METTL25: variants seen among roughly 807,000 people sequenced by gnomAD.
METTL25 encodes probable methyltransferase-like protein 25.
A neutral mutation model predicts 71.6 loss-of-function variants in METTL25; 64 were observed. That is an observed-to-expected ratio of 0.89 (90% CI 0.73 to 1.10). The LOEUF (loss-of-function observed/expected upper bound fraction) is 1.10. Among genes scored for constraint, METTL25 ranks in the 50% least tolerant of loss-of-function variants. The pLI is 0.00. For synonymous variants in METTL25, 287 were observed against 250.3 expected, an observed-to-expected ratio of 1.15 and a Z score of -1.38; for missense variants, 807 against 707.0, an observed-to-expected ratio of 1.14 and a Z score of -1.60.
Position 82,398,877 on chromosome 12 carries a change from C to T in METTL25, c.614C>T (p.Ser205Phe), listed in dbSNP as rs760218801. ...GGCTTAAAAGTTTATGGAATTGATT[C>T]TTCAAATACCAATACTCATGGAGCT... ...KYGLKVYGID[S>F]SNTNTHGAEE... Residue 205 changes from serine to phenylalanine, a missense_variant, in exon 4 of 12, where the codon TCT becomes TTT. Transcript: ENST00000248306. 1 of 1,605,458 alleles carries T rather than the reference C, an allele frequency of 6.2e-7. No individual in the cohort carries two copies. Among genetic ancestry groups the T allele is most frequent in the African/African-American group, 1.3e-5 (1 of 74,218 alleles).
At position 82,446,721 on chromosome 12, in the gene METTL25, A is replaced by G. The variant is rs376257403; in HGVS notation, c.1478+7930A>G. On this transcript the variant is annotated intron_variant, in intron 8 of 11. Transcript: ENST00000248306. ...AACCTCCGCTTCACGGATTCAAGCT[A>G]TTCTCCTGCCTCAGCCTCCCCAGTA... 5.4e-4 allele frequency among the ~76,000 whole-genome samples: 80 copies of G among 149,424 alleles called. No individual in the cohort carries two copies. The East Asian group carries it at 7.9e-3, about 15-fold the overall frequency.
intron 1 of METTL25, among the ~76,000 whole-genome samples, chr12:82,376,750 G>A (rs1157035341): frequency 6.6e-6 from 1 of 152,150 alleles, no homozygotes; most frequent in Non-Finnish European, 1.5e-5. Flanking sequence ...TAATCTTATT[G>A]TTAAATTATC....
chr12:82,361,512 G>T (rs10778894), intron 1 of METTL25, among the ~76,000 whole-genome samples: 27 of 152,104 alleles, frequency 1.8e-4, no homozygotes, highest in Admixed American at 1.5e-3. Context: ...GCCCACGGTG[G>T]GGGGGAGGGG....
At chr12:82,451,956 A>T (rs1265939576) in intron 8 of METTL25, among the ~76,000 whole-genome samples, 2 of 152,022 alleles carry the variant, frequency 1.3e-5, no homozygotes, top group Non-Finnish European at 2.9e-5. Flanking sequence ...CTCTCCTTTT[A>T]TTATTTTCTA....
intron 1 of METTL25, among the ~76,000 whole-genome samples, chr12:82,364,863 T>C (rs1882379889): frequency 6.6e-6 from 1 of 151,784 alleles, no homozygotes. Flanking sequence ...TAACATACTA[T>C]TGTTATTGTC....
intron 3 of METTL25, among the ~76,000 whole-genome samples, chr12:82,392,339 A>T (rs1171349891): frequency 6.9e-6 from 1 of 145,884 alleles, no homozygotes; most frequent in Non-Finnish European, 1.5e-5. Context: ...CCCACCTATG[A>T]GTGAGAATAT....
At chr12:82,454,939 T>G (rs1473506377) in intron 8 of METTL25, among the ~76,000 whole-genome samples, 1 of 151,884 alleles carries the variant, frequency 6.6e-6, no homozygotes, top group Non-Finnish European at 1.5e-5. Context: ...GTTACGAAAT[T>G]TAATCCTCAT....
chr12:82,363,865 T>G (rs930306273), intron 1 of METTL25, among the ~76,000 whole-genome samples: 5 of 152,106 alleles, frequency 3.3e-5, no homozygotes, highest in Non-Finnish European at 7.4e-5. Context: ...AAAGAGTAAG[T>G]CAATAAGTGC....
chr12:82,387,021 C>T (rs1210352744), intron 2 of METTL25, 54 bp downstream of exon 2: 7 of 1,424,682 alleles, frequency 4.9e-6, no homozygotes, highest in Admixed American at 3.9e-5. Flanking sequence ...AGAAGCAATA[C>T]TTTGTTCATA....
intron 5 of METTL25, among the ~76,000 whole-genome samples, chr12:82,422,331 T>C (rs1176721832): frequency 6.6e-6 from 1 of 152,138 alleles, no homozygotes; most frequent in Non-Finnish European, 1.5e-5. Flanking sequence ...GAAAAGGCCT[T>C]CGACAAAATT....
intron 1 of METTL25, among the ~76,000 whole-genome samples, chr12:82,383,198 G>T (rs776030887): frequency 2.0e-5 from 3 of 151,550 alleles, no homozygotes; most frequent in Non-Finnish European, 2.9e-5. Flanking sequence ...TTTTTGAGAC[G>T]GAGTCTTGGT....
At chr12:82,445,813 AAG>A (rs1185680536) in intron 8 of METTL25, among the ~76,000 whole-genome samples, 2 of 152,220 alleles carry the variant, frequency 1.3e-5, no homozygotes, top group Admixed American at 6.5e-5. Flanking sequence ...AAAAGAGAAA[AAG>A]AAATTCCTAA....
chr12:82,391,160 A>C (rs2136964567), intron 3 of METTL25, among the ~76,000 whole-genome samples: 1 of 152,194 alleles, frequency 6.6e-6, no homozygotes, highest in South Asian at 2.1e-4. Context: ...AATGGAGTAA[A>C]GGTCCAGTCT....
chr12:82,396,693 T>G (rs118129032), intron 3 of METTL25, among the ~76,000 whole-genome samples: 2,894 of 152,220 alleles, frequency 0.019, 36 homozygotes, highest in Middle Eastern at 0.066. Context: ...TTATAACAGT[T>G]AATGTAACCA....
At chr12:82,455,638 A>G (rs960909214) in intron 8 of METTL25, among the ~76,000 whole-genome samples, 1 of 151,952 alleles carries the variant, frequency 6.6e-6, no homozygotes, top group Non-Finnish European at 1.5e-5. Context: ...CTGCATGAGC[A>G]AATGTACCAA....
intron 8 of METTL25, among the ~76,000 whole-genome samples, chr12:82,443,549 AT>A (rs1408440192): frequency 6.6e-6 from 1 of 152,012 alleles, no homozygotes; most frequent in African/African-American, 2.4e-5. Context: ...GCATTAGTCC[AT>A]TTCTATGTGG....
chr12:82,425,583 C>G (rs567658933), intron 5 of METTL25, among the ~76,000 whole-genome samples: 1 of 152,148 alleles, frequency 6.6e-6, no homozygotes, highest in Admixed American at 6.6e-5. Flanking sequence ...AGAGATTACG[C>G]TGTTGAGGGA....
chr12:82,414,557 A>G (rs939845262), intron 5 of METTL25, among the ~76,000 whole-genome samples: 8 of 152,182 alleles, frequency 5.3e-5, no homozygotes, highest in African/African-American at 1.9e-4. Context: ...CCCTGTGTTC[A>G]TGGTAAATAA....
intron 3 of METTL25, among the ~76,000 whole-genome samples, chr12:82,391,951 A>G (rs1301246832): frequency 6.6e-6 from 1 of 151,460 alleles, no homozygotes; most frequent in South Asian, 2.1e-4. Flanking sequence ...ATATCTCATT[A>G]TAGTTTTTAT....
Sources: gnomAD v4.1 joint callset for allele counts (sites outside exome capture counted in the v4.1 genomes callset) on GRCh38, gnomAD v4.1.1 for gene constraint, MANE v1.5 for transcripts, NCBI Gene and HGNC (gene_info 2026-07-23, HGNC 2026-07-21) for gene names.